The following ADAMTSL3 variants were observed in gnomAD, a reference collection of about 807,000 sequenced individuals.
The protein encoded by ADAMTSL3 is ADAMTS like 3.
ADAMTSL3 carries 128 observed loss-of-function variants against 201.7 expected under a neutral mutation model. The observed-to-expected ratio is 0.63, with a 90% CI of 0.55 to 0.73. The LOEUF (loss-of-function observed/expected upper bound fraction) is 0.73. Ranked by LOEUF, ADAMTSL3 falls within the 30% of genes least tolerant of loss-of-function variation. The pLI is 0.00. For synonymous variants in ADAMTSL3, 738 were observed against 748.4 expected, an observed-to-expected ratio of 0.99 and a Z score of 0.23; for missense variants, 1,990 against 2,119.6, an observed-to-expected ratio of 0.94 and a Z score of 1.20.
At position 83,730,173 on chromosome 15, in the gene ADAMTSL3, T is replaced by C. The variant is rs139878686; in HGVS notation, c.189+25665T>C. ...AGTTCTATGTGAGCTGAAGGGCCTA[T>C]TTTTATCTTTAAGAGATGGATAACA... is the stretch of plus-strand genomic sequence containing the variant. On this transcript the variant is annotated intron_variant, in intron 3 of 29. Transcript: ENST00000286744. 1.4e-4 allele frequency among the ~76,000 whole-genome samples: 21 copies of C among 152,226 alleles called. No homozygotes were observed. In the East Asian group the frequency reaches 2.1e-3, roughly 15 times the overall value.
intron 8 of ADAMTSL3, among the ~76,000 whole-genome samples, chr15:83,865,207 C>G (rs1371556127): frequency 6.6e-6 from 1 of 152,172 alleles, no homozygotes; most frequent in Non-Finnish European, 1.5e-5. Flanking sequence ...TTTATAGATT[C>G]AACGCCATCC....
Position 83,822,871 on chromosome 15 carries a change from C to T in ADAMTSL3, c.600+2824C>T, listed in dbSNP as rs1389494289. ...CTGGGAGGTGGAGGTTGTAGCGAGC[C>T]GAGATCACGCCACTGCACTCCAGCC... On this transcript the variant is annotated intron_variant, in intron 6 of 29. Coordinates refer to ENST00000286744, the MANE Select transcript of ADAMTSL3 (RefSeq NM_207517.3). 5.3e-5 allele frequency among the ~76,000 whole-genome samples: 8 copies of T among 149,638 alleles called. No individual in the cohort carries two copies. The South Asian group carries it at 8.6e-4, about 16-fold the overall frequency.
At chr15:83,915,670 C>T (rs2066021770) in intron 16 of ADAMTSL3, among the ~76,000 whole-genome samples, 1 of 152,148 alleles carries the variant, frequency 6.6e-6, no homozygotes, top group Non-Finnish European at 1.5e-5. Context: ...CAATCATACC[C>T]CATTTTCCCT....
chr15:83,658,699 C>T (rs1329022806), intron 2 of ADAMTSL3, among the ~76,000 whole-genome samples: 1 of 152,174 alleles, frequency 6.6e-6, no homozygotes, highest in Non-Finnish European at 1.5e-5. Context: ...CTCTCTCTTC[C>T]AGCCTGGAGT....
At chr15:84,011,597 C>G (rs2068007309) in intron 23 of ADAMTSL3, among the ~76,000 whole-genome samples, 1 of 151,608 alleles carries the variant, frequency 6.6e-6, no homozygotes, top group Non-Finnish European at 1.5e-5. Flanking sequence ...TCTGGAGACA[C>G]TAATACAATA....
At chr15:83,832,903 C>T (rs994734447) in intron 6 of ADAMTSL3, among the ~76,000 whole-genome samples, 7 of 152,144 alleles carry the variant, frequency 4.6e-5, no homozygotes, top group African/African-American at 1.7e-4. Flanking sequence ...AGAGGCACGA[C>T]CTGGTTGGTA....
Position 83,774,668 on chromosome 15 carries a change from T to C in ADAMTSL3, c.317+1018T>C, listed in dbSNP as rs140503824. On this transcript the variant is annotated intron_variant, in intron 4 of 29. Coordinates refer to ENST00000286744, the MANE Select transcript of ADAMTSL3 (RefSeq NM_207517.3). The stretch of plus-strand genomic sequence containing the variant: ...GGAGAACTAAATCCAGGGATTATTC[T>C]TGCAAAGAGAATGTGTTATGCCTGC... Among the ~76,000 whole-genome samples the C allele has an allele frequency of 2.0e-4, 30 of 152,316 alleles. 1 individual carries two copies. The highest frequency in any genetic ancestry group is 1.6e-3 in the Admixed American group (25 of 15,312).
chr15:83,879,487 AAT>A (rs2141851129), intron 9 of ADAMTSL3, among the ~76,000 whole-genome samples: 1 of 152,308 alleles, frequency 6.6e-6, no homozygotes, highest in East Asian at 1.9e-4. Flanking sequence ...TAAGTTTCAT[AAT>A]TATATATTCT....
chr15:83,656,082 C>T (rs959610545), intron 2 of ADAMTSL3, among the ~76,000 whole-genome samples: 13 of 152,126 alleles, frequency 8.5e-5, no homozygotes, highest in African/African-American at 3.1e-4. Flanking sequence ...CCGGTGATGA[C>T]CTGGGGCTGT....
chr15:83,714,523 G>A (rs1024926113), intron 3 of ADAMTSL3, among the ~76,000 whole-genome samples: 7 of 152,046 alleles, frequency 4.6e-5, no homozygotes, highest in African/African-American at 1.2e-4. Flanking sequence ...TGCCATCCTC[G>A]TCTAACCCTT....
At position 84,036,893 on chromosome 15, in the gene ADAMTSL3, C is replaced by G. The variant is rs56824098; in HGVS notation, c.4875C>G (p.Ile1625Met). The change falls in exon 29 of 30, where the codon ATC becomes ATG. Residue 1625 changes from isoleucine to methionine, a missense_variant. Coordinates refer to ENST00000286744, the MANE Select transcript of ADAMTSL3 (RefSeq NM_207517.3). The part of the protein sequence containing the change: ...RGFQSRKVDC[I>M]HTRSCKPVAK... ...TCCAGTCTCGGAAAGTCGACTGTATCCACACAAGGAGTTGCAAACCTGTGG... is the reference window on the plus strand; with the variant it reads ...TCCAGTCTCGGAAAGTCGACTGTATGCACACAAGGAGTTGCAAACCTGTGG... 6.8e-4 allele frequency: 1,091 copies of G among 1,614,132 alleles called. 8 individuals carry two copies. In the African/African-American group the frequency reaches 0.013, roughly 19 times the overall value.
chr15:83,969,510 G>T (rs1163611276), intron 19 of ADAMTSL3, among the ~76,000 whole-genome samples: 2 of 152,080 alleles, frequency 1.3e-5, no homozygotes, highest in Admixed American at 1.3e-4. Flanking sequence ...AGAAAATATG[G>T]TACTGTATAT....
chr15:83,710,225 G>A (rs2061914560), intron 3 of ADAMTSL3, among the ~76,000 whole-genome samples: 1 of 152,068 alleles, frequency 6.6e-6, no homozygotes, highest in African/African-American at 2.4e-5. Flanking sequence ...CCTTCTCCCT[G>A]GTAAACTTCC....
chr15:83,867,745 C>G (rs1236500174), intron 8 of ADAMTSL3, among the ~76,000 whole-genome samples: 1 of 152,180 alleles, frequency 6.6e-6, no homozygotes, highest in African/African-American at 2.4e-5. Flanking sequence ...ACAGTACTTT[C>G]ATGGCCTTTA....
chr15:83,824,324 T>C (rs1402026057), intron 6 of ADAMTSL3, among the ~76,000 whole-genome samples: 1 of 152,080 alleles, frequency 6.6e-6, no homozygotes, highest in East Asian at 1.9e-4. Flanking sequence ...CCTGACTCCA[T>C]TTTTTAGAGC....
intron 23 of ADAMTSL3, among the ~76,000 whole-genome samples, chr15:83,998,372 C>T (rs2067727196): frequency 1.3e-5 from 2 of 152,068 alleles, no homozygotes; most frequent in Admixed American, 6.5e-5. Flanking sequence ...TTGCTTGAAC[C>T]CGAGAGGCGG....
chr15:83,821,087 A>C (rs1276582583), intron 6 of ADAMTSL3, among the ~76,000 whole-genome samples: 1 of 152,062 alleles, frequency 6.6e-6, no homozygotes, highest in Non-Finnish European at 1.5e-5. Context: ...GAAAAAAAAA[A>C]ATTAAAAAGA....
At chr15:83,742,519 A>G (rs564030959) in intron 3 of ADAMTSL3, among the ~76,000 whole-genome samples, 6 of 152,350 alleles carry the variant, frequency 3.9e-5, no homozygotes, top group African/African-American at 1.4e-4. Flanking sequence ...GCTAAATTTA[A>G]ACCTAGTCAT....
chr15:83,975,982 G>A (rs2067278893), intron 20 of ADAMTSL3, among the ~76,000 whole-genome samples: 1 of 152,170 alleles, frequency 6.6e-6, no homozygotes, highest in South Asian at 2.1e-4. Flanking sequence ...TAGTGAAGGG[G>A]ATATGACAAT....
Sources: allele counts gnomAD v4.1 joint callset (sites outside exome capture counted in the v4.1 genomes callset), GRCh38; gene constraint gnomAD v4.1.1; transcripts MANE v1.5; gene names NCBI Gene and HGNC (gene_info 2026-07-23, HGNC 2026-07-21).